Variants in SCN11A observed in about 807,000 individuals in gnomAD.
SCN11A encodes sodium channel protein type 11 subunit alpha.
SCN11A carries 122 observed loss-of-function variants against 162.2 expected under a neutral mutation model. The ratio of observed to expected loss-of-function variants is 0.75; its 90% CI spans 0.65 to 0.87. SCN11A has a LOEUF of 0.87. Ranked by LOEUF, SCN11A falls within the 40% of genes least tolerant of loss-of-function variation. The probability of loss-of-function intolerance (pLI) is 0.00; values close to 1 mark genes in which losing one functional copy is unlikely to be tolerated. For synonymous variants in SCN11A, 758 were observed against 751.5 expected (o/e 1.01, Z -0.14); for missense variants, 2,015 against 2,181.6 (o/e 0.92, Z 1.52).
intron 4 of SCN11A, among the ~76,000 whole-genome samples, chr3:38,951,455 C>T (rs144846871): frequency 0.016 from 2,431 of 152,354 alleles, 67 homozygotes; most frequent in African/African-American, 0.056. Context: ...GGCTCCTGTG[C>T]GGCCGGAGCC....
At chr3:39,024,322 T>C (rs1575363220) in intron 2 of SCN11A, among the ~76,000 whole-genome samples, 1 of 152,378 alleles carries the variant, frequency 6.6e-6, no homozygotes, top group African/African-American at 2.4e-5. Flanking sequence ...TTCAGAATCT[T>C]CTTGGCCTCT....
chr3:38,938,615 C>T (rs1276734233), intron 7 of SCN11A, among the ~76,000 whole-genome samples: 6 of 117,304 alleles, frequency 5.1e-5, no homozygotes, highest in African/African-American at 1.3e-4. Flanking sequence ...CCCAGGCTGG[C>T]GTTCAATGGC....
At chr3:38,923,427 G>A (rs945873354) in intron 9 of SCN11A, among the ~76,000 whole-genome samples, 2 of 152,050 alleles carry the variant, frequency 1.3e-5, no homozygotes, top group African/African-American at 4.8e-5. Flanking sequence ...TCCCTTGGTG[G>A]TCTCACAGCC....
intron 2 of SCN11A, among the ~76,000 whole-genome samples, chr3:38,991,481 C>A (rs75914435): frequency 0.035 from 5,345 of 152,184 alleles, 247 homozygotes; most frequent in African/African-American, 0.11. Flanking sequence ...GTGTTTGCGG[C>A]GATCATAGAG....
At position 38,886,227 on chromosome 3, in the gene SCN11A, G is replaced by C. The variant is rs527445477; in HGVS notation, c.2847C>G (p.Leu949=). ...QPEPEQQAYE[L]HQENKKPTSQ... ...TCGTGGGCTTCTTGTTCTCCTGATG[G>C]AGCTCATAGGCCTAACACAGAGAGC... Residue 949 remains leucine, a synonymous_variant, in exon 20 of 30, where the codon CTC becomes CTG. Coordinates refer to ENST00000302328, the MANE Select transcript of SCN11A (RefSeq NM_001349253.2). The C allele has an allele frequency of 9.3e-6, 15 of 1,609,818 alleles. No individual in the cohort carries two copies. The African/African-American group carries it at 1.6e-4, about 17-fold the overall frequency.
intron 2 of SCN11A, among the ~76,000 whole-genome samples, chr3:39,030,169 T>G (rs1219872295): frequency 6.6e-6 from 1 of 152,182 alleles, no homozygotes; most frequent in East Asian, 1.9e-4. Context: ...GGGAGGGGCA[T>G]GGCGAGGAGA....
At chr3:38,940,590 C>T (rs1017195220) in intron 7 of SCN11A, among the ~76,000 whole-genome samples, 14 of 152,134 alleles carry the variant, frequency 9.2e-5, no homozygotes, top group Non-Finnish European at 1.8e-4. Flanking sequence ...GGTGTTGGGA[C>T]AAATGGATAG....
At chr3:38,950,057 ACCCCCACC>A in intron 5 of SCN11A, 31 bp downstream of exon 5, 3 of 100,334 alleles carry the variant, frequency 3.0e-5, no homozygotes, top group African/African-American at 6.3e-5. Flanking sequence ...TGGTTAGAAC[ACCCCCACC>A]CCCACCCCCC....
In SCN11A at chr3:38,871,623, A is replaced by G; in HGVS notation, c.3581T>C (p.Ile1194Thr). The change falls in exon 25 of 30, where the codon ATT (isoleucine) becomes ACT (threonine). Residue 1194 changes from isoleucine (I) to threonine (T), a missense_variant. Ile to Thr is a moderately conservative substitution (Grantham distance 89). Coordinates refer to ENST00000302328, the MANE Select transcript of SCN11A (RefSeq NM_001349253.2). ...TCCAGAAAAGAAGTATACTCCCAGA[A>G]TACAAAATACGAGCCAGAAAATGAG... The part of the protein sequence containing the change: ...VCLIFWLVFC[I>T]LGVYFFSGKF... 2 of 1,612,966 alleles carry G rather than the reference A, an allele frequency of 1.2e-6. No individual in the cohort carries two copies. The highest frequency in any genetic ancestry group is 1.7e-6 in the Non-Finnish European group (2 of 1,179,140).
chr3:38,967,129 C>T (rs896229367), intron 2 of SCN11A, among the ~76,000 whole-genome samples: 2 of 152,214 alleles, frequency 1.3e-5, no homozygotes, highest in Non-Finnish European at 2.9e-5. Context: ...AACATCTATC[C>T]TCTGGCTTAC....
chr3:38,990,200 C>A (rs2030407953), intron 2 of SCN11A, among the ~76,000 whole-genome samples: 1 of 152,192 alleles, frequency 6.6e-6, no homozygotes, highest in Admixed American at 6.5e-5. Context: ...ATATAAAGAG[C>A]AGCTCAGAGC....
At chr3:39,027,517 G>A (rs1275556832) in intron 2 of SCN11A, among the ~76,000 whole-genome samples, 1 of 152,170 alleles carries the variant, frequency 6.6e-6, no homozygotes, top group Non-Finnish European at 1.5e-5. Flanking sequence ...AAGAAAAGAA[G>A]GACCAGCATT....
intron 7 of SCN11A, among the ~76,000 whole-genome samples, chr3:38,930,590 T>G (rs559624979): frequency 6.6e-6 from 1 of 152,342 alleles, no homozygotes; most frequent in South Asian, 2.1e-4. Context: ...CTTAAGCAAA[T>G]GAGACAGCAG....
chr3:38,850,344 C>T (rs756905102), intron 29 of SCN11A, 137 bp downstream of exon 29: 211 of 734,346 alleles, frequency 2.9e-4, no homozygotes, highest in Middle Eastern at 3.4e-4. Context: ...GCATTAGTAC[C>T]CCTGTCTATT....
At position 38,903,963 on chromosome 3, in the gene SCN11A, C is replaced by T. The variant is rs141228634; in HGVS notation, c.1744G>A (p.Ala582Thr). 199 of 1,614,052 alleles carry T rather than the reference C, an allele frequency of 1.2e-4. No homozygotes were observed. The highest frequency in any genetic ancestry group is 1.6e-4 in the Non-Finnish European group (184 of 1,179,968). ...TVMTDPFTEL[A>T]ITICIIINTV... is the part of the protein sequence containing the mutation. ...TTGATGATGATGCAGATGGTGATGGCCAGCTCAGTAAACGGGTCAGTCATC... is the reference window on the plus strand; with the variant it reads ...TTGATGATGATGCAGATGGTGATGGTCAGCTCAGTAAACGGGTCAGTCATC... Residue 582 changes from alanine to threonine, a missense_variant, in exon 16 of 30, where the codon GCC becomes ACC. Physicochemically the swap from Ala to Thr is moderately conservative, Grantham distance 58. Coordinates refer to ENST00000302328, the MANE Select transcript of SCN11A (RefSeq NM_001349253.2).
At chr3:39,030,353 C>A (rs1364341401) in intron 2 of SCN11A, among the ~76,000 whole-genome samples, 1 of 152,122 alleles carries the variant, frequency 6.6e-6, no homozygotes, top group Non-Finnish European at 1.5e-5. Context: ...CCGGTCCTAA[C>A]AAAAAATCCC....
At chr3:38,923,765 T>G (rs2125550926) in intron 9 of SCN11A, among the ~76,000 whole-genome samples, 1 of 151,934 alleles carries the variant, frequency 6.6e-6, no homozygotes, top group African/African-American at 2.4e-5. Context: ...CAGAGATTTG[T>G]GGGGGTTGGG....
At chr3:38,935,201 A>T (rs2066310670) in intron 7 of SCN11A, among the ~76,000 whole-genome samples, 1 of 152,192 alleles carries the variant, frequency 6.6e-6, no homozygotes, top group Non-Finnish European at 1.5e-5. Context: ...ACAACACACC[A>T]GAATCTCTGG....
chr3:38,927,372 A>AT (rs1361634498), intron 7 of SCN11A, among the ~76,000 whole-genome samples: 5 of 152,168 alleles, frequency 3.3e-5, no homozygotes, highest in Non-Finnish European at 7.3e-5. Context: ...TATTGTTAAG[A>AT]TATCGTACTA....
Sources: gnomAD v4.1 joint callset for allele counts (sites outside exome capture counted in the v4.1 genomes callset) on GRCh38, gnomAD v4.1.1 for gene constraint, MANE v1.5 for transcripts, NCBI Gene and HGNC (gene_info 2026-07-23, HGNC 2026-07-21) for gene names.